ACSL1: variants seen among roughly 807,000 people sequenced by gnomAD.
ACSL1 encodes acyl-CoA synthetase long chain family member 1.
Under a neutral mutation model 98.4 loss-of-function variants are expected in ACSL1, and 41 were observed. The ratio of observed to expected loss-of-function variants is 0.42; its 90% confidence interval spans 0.32 to 0.54. The LOEUF (loss-of-function observed/expected upper bound fraction) is 0.54, where lower values mean the gene tolerates loss of function less well. Among genes scored for constraint, ACSL1 ranks in the 20% least tolerant of loss-of-function variants. ACSL1 has a pLI of 0.13. For synonymous variants in ACSL1, 316 were observed against 322.7 expected, an observed-to-expected ratio of 0.98 and a Z score of 0.22; for missense variants, 734 against 883.1, an observed-to-expected ratio of 0.83 and a Z score of 2.14.
intron 11 of ACSL1, among the ~76,000 whole-genome samples, chr4:184,769,628 G>A (rs572530383): frequency 7.9e-5 from 12 of 152,282 alleles, no homozygotes; most frequent in Admixed American, 2.0e-4. Context: ...GGATCTAATC[G>A]CCTTCGATCC....
At position 184,757,172 on chromosome 4, in the gene ACSL1, A is replaced by T. The variant is rs1366339326; in HGVS notation, c.2050T>A (p.Tyr684Asn). 1 of 1,609,528 alleles carries T rather than the reference A, an allele frequency of 6.2e-7. No individual in the cohort carries two copies. The highest frequency in any genetic ancestry group is 8.5e-7 in the Non-Finnish European group (1 of 1,176,128). ...AGGTCATCTATCTGCGACCTGAAAT[A>T]GTTCCGCAGCTCTGGCCTTTTCGCC... is the stretch of plus-strand genomic sequence containing the variant. ...MKAKRPELRN[Y>N]FRSQIDDLYS... The change falls in exon 21 of 21, where the codon TAT (tyrosine) becomes AAT (asparagine). Residue 684 changes from tyrosine (Y) to asparagine (N), a missense_variant. Physicochemically the swap from Tyr to Asn is moderately radical, Grantham distance 143. Coordinates refer to ENST00000281455, the MANE Select transcript of ACSL1 (RefSeq NM_001995.5). This position sits in a 1 kb window ranked among gnomAD's most constrained non-coding sequence, Gnocchi z 4.5.
intron 7 of ACSL1, among the ~76,000 whole-genome samples, chr4:184,774,499 C>T (rs1052910577): frequency 2.0e-5 from 3 of 152,146 alleles, no homozygotes; most frequent in African/African-American, 7.2e-5. Flanking sequence ...CCTGAATGGA[C>T]TTGAAGGTTA....
At chr4:184,813,814 C>T (rs776213755) in intron 1 of ACSL1, 4 of 455,886 alleles carry the variant, frequency 8.8e-6, no homozygotes, top group Non-Finnish European at 1.8e-5. Flanking sequence ...TCACAGTAGC[C>T]AGAGCTGGCC....
In ACSL1 at chr4:184,811,369, C is replaced by A. The variant is rs535360067; in HGVS notation, c.-32-7823G>T. 4.6e-5 allele frequency among the ~76,000 whole-genome samples: 7 copies of A among 152,236 alleles called. No homozygotes were observed. The East Asian group carries it at 1.2e-3, about 25-fold the overall frequency. ...CTTTGTGATCTGCCCGCCTTGGCCT[C>A]CCAAAGTGCTGGGATTACAGGTGTG... On this transcript the variant is annotated intron_variant, in intron 1 of 20. Transcript: ENST00000281455.
chr4:184,764,757 G>A, intron 15 of ACSL1, 96 bp downstream of exon 15: 1 of 1,092,494 alleles, frequency 9.2e-7, no homozygotes, highest in Non-Finnish European at 1.3e-6. Flanking sequence ...TGTTTAAGAT[G>A]GTTAATGAAC....
chr4:184,757,294 G>A lies in ACSL1; in HGVS notation c.1957-29C>T, dbSNP rs766409116. On this transcript the variant is annotated intron_variant, in intron 20 of 20. Coordinates refer to ENST00000281455, the MANE Select transcript of ACSL1 (RefSeq NM_001995.5). The surrounding 1 kb of genome is among the most constrained non-coding windows in gnomAD (Gnocchi z 4.5). ...CCAATAAACAAGGCAGTTAAAAGAG[G>A]AAAAAGGACACGGGCCACCAGTCTC... is the stretch of plus-strand genomic sequence containing the variant. The A allele has an allele frequency of 3.8e-6, 6 of 1,575,794 alleles. No individual in the cohort carries two copies. The South Asian group carries it at 4.5e-5, about 12-fold the overall frequency.
intron 2 of ACSL1, among the ~76,000 whole-genome samples, chr4:184,791,721 A>G (rs1768400061): frequency 6.6e-6 from 1 of 152,182 alleles, no homozygotes; most frequent in African/African-American, 2.4e-5. Context: ...ACTCCTACAG[A>G]CCTGGATAGG....
At chr4:184,790,446 C>T (rs1423835360) in intron 2 of ACSL1, among the ~76,000 whole-genome samples, 1 of 152,094 alleles carries the variant, frequency 6.6e-6, no homozygotes, top group African/African-American at 2.4e-5. Context: ...ACTCTTGATC[C>T]CAAACTGCTA....
At chr4:184,804,631 C>T (rs574600201) in intron 1 of ACSL1, among the ~76,000 whole-genome samples, 1 of 151,984 alleles carries the variant, frequency 6.6e-6, no homozygotes, top group Non-Finnish European at 1.5e-5. Flanking sequence ...CAAATTCTGC[C>T]TCCCTGGCAT....
At chr4:184,758,911 C>T (rs1436651463) in intron 18 of ACSL1, 3 of 124,432 alleles carry the variant, frequency 2.4e-5, no homozygotes, top group African/African-American at 9.0e-5. Context: ...CCCCCCACCC[C>T]ACAACAGGCC....
intron 4 of ACSL1, among the ~76,000 whole-genome samples, chr4:184,782,508 A>C: frequency 6.6e-6 from 1 of 152,252 alleles, no homozygotes; most frequent in East Asian, 1.9e-4. Flanking sequence ...TCCAGCCACT[A>C]AACAACAGAA....
chr4:184,785,757 G>C (rs1413769308), intron 3 of ACSL1, among the ~76,000 whole-genome samples: 2 of 152,142 alleles, frequency 1.3e-5, no homozygotes, highest in Non-Finnish European at 2.9e-5. Context: ...AGCGACCAAA[G>C]AAAAGTTATG....
chr4:184,826,083 C>T (rs1358191909), upstream of ACSL1: 1 of 114,716 alleles, frequency 8.7e-6, no homozygotes, highest in African/African-American at 2.8e-5. Context: ...GTGCGCTCGC[C>T]GCGCCGGCCC....
chr4:184,777,579 G>T (rs1412279229), intron 5 of ACSL1, among the ~76,000 whole-genome samples: 22 of 151,550 alleles, frequency 1.5e-4, no homozygotes, highest in Admixed American at 1.4e-3. Context: ...AAAGAAAAAA[G>T]GAAGGAAAGG....
At chr4:184,826,502 C>T (rs1014666077), upstream of ACSL1, 1 of 152,478 alleles carries the variant, frequency 6.6e-6, no homozygotes, top group Non-Finnish European at 1.5e-5. Context: ...CAGGGTTTCC[C>T]CCACGCTCCC....
chr4:184,803,299 C>A lies in ACSL1; in HGVS notation c.195+21G>T, dbSNP rs1213347509. 1.4e-5 allele frequency: 22 copies of A among 1,522,022 alleles called. No individual in the cohort carries two copies. Among genetic ancestry groups the A allele is most frequent in the Non-Finnish European group, 1.9e-5 (22 of 1,131,054 alleles). 94.3% of individuals were successfully genotyped at this position (1,522,022 alleles called of 1,614,324 possible). A position where few individuals can be genotyped will look rare whatever the true frequency, so the allele number is the denominator to read the frequency against. On this transcript the variant is annotated intron_variant, in intron 2 of 20. Transcript: ENST00000281455. This position sits in a 1 kb window ranked among gnomAD's most constrained non-coding sequence, Gnocchi z 4.8. ...GGAAATGCGGAGAAAACGCACGAGG[C>A]AGGCTGGGCCCTCCACTCACCGCCA...
chr4:184,783,229 T>C (rs946568324), intron 4 of ACSL1, among the ~76,000 whole-genome samples: 5 of 152,218 alleles, frequency 3.3e-5, no homozygotes, highest in African/African-American at 1.2e-4. Flanking sequence ...CTGCCACTCA[T>C]GAGCCGCTGT....
chr4:184,776,765 A>G, intron 6 of ACSL1, 103 bp from the exon 7 acceptor site: 1 of 1,482,052 alleles, frequency 6.7e-7, no homozygotes, highest in Non-Finnish European at 9.1e-7. Context: ...TTCTTTGAAT[A>G]AAAAGGTAGA....
chr4:184,822,619 G>A (rs1363961792), intron 1 of ACSL1, among the ~76,000 whole-genome samples: 1 of 152,112 alleles, frequency 6.6e-6, no homozygotes, highest in African/African-American at 2.4e-5. Flanking sequence ...TGCGCCTGTA[G>A]TCTAAGCTAC....
Sources: gnomAD v4.1 joint callset for allele counts (sites outside exome capture counted in the v4.1 genomes callset) on GRCh38, gnomAD v4.1.1 for gene constraint, Gnocchi (gnomAD v3.1) non-coding constraint, MANE v1.5 for transcripts, NCBI Gene and HGNC (gene_info 2026-07-23, HGNC 2026-07-21) for gene names.